EDC3: variants seen among roughly 807,000 people sequenced by gnomAD.
EDC3 encodes the protein enhancer of mRNA decapping 3.
A neutral mutation model predicts 41.8 loss-of-function variants in EDC3; 20 were observed. The ratio of observed to expected loss-of-function variants is 0.48; its 90% confidence interval spans 0.34 to 0.70. The LOEUF is 0.70. Ranked by LOEUF, EDC3 falls within the 30% of genes least tolerant of loss-of-function variation. The pLI is 0.01. For synonymous variants in EDC3, 206 were observed against 243.2 expected, an observed-to-expected ratio of 0.85 and a Z score of 1.42; for missense variants, 444 against 636.8, an observed-to-expected ratio of 0.70 and a Z score of 3.26.
intron 3 of EDC3, among the ~76,000 whole-genome samples, chr15:74,661,432 G>A (rs1165733301): frequency 1.3e-5 from 2 of 152,044 alleles, no homozygotes; most frequent in African/African-American, 2.4e-5. Context: ...TTTTATTGGC[G>A]CACAGTCATG....
At chr15:74,649,493 T>C (rs2062456245) in intron 4 of EDC3, among the ~76,000 whole-genome samples, 1 of 152,178 alleles carries the variant, frequency 6.6e-6, no homozygotes, top group Non-Finnish European at 1.5e-5. Context: ...GAACTATGAC[T>C]TACCCAGAGT....
chr15:74,646,022 TAC>T (rs993780449), intron 4 of EDC3, among the ~76,000 whole-genome samples: 5 of 150,920 alleles, frequency 3.3e-5, no homozygotes, highest in African/African-American at 1.2e-4. Context: ...CGAGTAGAAA[TAC>T]AGAGACCGTT....
chr15:74,673,319 G>A (rs2062761775), intron 2 of EDC3, among the ~76,000 whole-genome samples: 2 of 152,170 alleles, frequency 1.3e-5, no homozygotes, highest in South Asian at 4.1e-4. Flanking sequence ...AACTGAACAC[G>A]AGGATTAAAG....
At chr15:74,650,914 C>T (rs1439194509) in intron 4 of EDC3, among the ~76,000 whole-genome samples, 1 of 152,172 alleles carries the variant, frequency 6.6e-6, no homozygotes, top group Non-Finnish European at 1.5e-5. Flanking sequence ...AGGAGAATCA[C>T]TTGAACTCAG....
intron 2 of EDC3, among the ~76,000 whole-genome samples, chr15:74,672,146 G>A (rs2062746600): frequency 6.6e-6 from 1 of 151,182 alleles, no homozygotes; most frequent in Non-Finnish European, 1.5e-5. Flanking sequence ...GCGGGCACCT[G>A]TAGTCCCAGC....
Position 74,632,483 on chromosome 15 carries a change from G to T in EDC3, c.*129C>A. 1 of 1,123,588 alleles carries T rather than the reference G, an allele frequency of 8.9e-7. No individual in the cohort carries two copies. The highest frequency in any genetic ancestry group is 1.6e-5 in the South Asian group (1 of 64,474). The allele number at this position is 1,123,588 out of a possible 1,614,324, so 69.6% of individuals were successfully genotyped here. A position where few individuals can be genotyped will look rare whatever the true frequency, so the allele number is the denominator to read the frequency against. ...GACAGGTCAGTTTTAAGTAAGTTCT[G>T]TTCTCTCACAGAAGAAACAAACCCA... On this transcript the variant is annotated 3_prime_UTR_variant, in exon 7 of 7. Coordinates refer to ENST00000315127, the MANE Select transcript of EDC3 (RefSeq NM_025083.5). The surrounding 1 kb of genome is among the most constrained non-coding windows in gnomAD (Gnocchi z 4.0).
At chr15:74,645,441 T>C (rs2062401853) in intron 4 of EDC3, 1 of 152,134 alleles carries the variant, frequency 6.6e-6, no homozygotes, top group South Asian at 2.1e-4. Context: ...CTCGTATGTA[T>C]TTTACATAAA....
chr15:74,675,411 C>T (rs2062793101), intron 1 of EDC3, among the ~76,000 whole-genome samples: 1 of 151,594 alleles, frequency 6.6e-6, no homozygotes, highest in Non-Finnish European at 1.5e-5. Flanking sequence ...CATCAAATCA[C>T]ACAAACTATA....
intron 3 of EDC3, among the ~76,000 whole-genome samples, chr15:74,659,511 T>TATATATATATATATATAG (rs1346060455): frequency 2.7e-4 from 34 of 127,046 alleles, no homozygotes; most frequent in African/African-American, 1.0e-3. Flanking sequence ...TATATATATA[T>TATATATATATATATATAG]AGGCAAATAA....
At chr15:74,674,926 A>G in intron 2 of EDC3, 35 bp downstream of exon 2, 1 of 1,612,480 alleles carries the variant, frequency 6.2e-7, no homozygotes, top group East Asian at 2.2e-5. Flanking sequence ...ACAGACCACC[A>G]GGTTGGATTC....
At chr15:74,674,896 C>G in intron 2 of EDC3, 65 bp downstream of exon 2, 1 of 1,578,744 alleles carries the variant, frequency 6.3e-7, no homozygotes, top group Non-Finnish European at 8.7e-7. Context: ...TACTAGCAAT[C>G]AGACCTAGGT....
intron 1 of EDC3, among the ~76,000 whole-genome samples, chr15:74,678,744 G>A (rs1373029691): frequency 6.7e-6 from 1 of 149,682 alleles, no homozygotes; most frequent in African/African-American, 2.5e-5. Context: ...ACAAAAATTA[G>A]CCAGGCATGG....
Position 74,675,139 on chromosome 15 carries a change from A to G in EDC3, c.-15T>C. ...TCTGTAGCCATGTTTCACACGTGAG[A>G]CCACTGTGAAGAGAAGGAACTATTC... On this transcript the variant is annotated 5_prime_UTR_variant, in exon 2 of 7. Transcript: ENST00000315127. 4 of 1,611,922 alleles carry G rather than the reference A, an allele frequency of 2.5e-6. No individual in the cohort carries two copies. In the South Asian group the frequency reaches 4.4e-5, roughly 18 times the overall value.
chr15:74,665,698 A>T (rs1435500519), intron 3 of EDC3, among the ~76,000 whole-genome samples: 1 of 152,226 alleles, frequency 6.6e-6, no homozygotes, highest in Non-Finnish European at 1.5e-5. Flanking sequence ...GTGTTGGATT[A>T]GCTAACTATT....
At chr15:74,670,010 ATTTTTTTTTTTTTTT>A (rs757043746) in intron 3 of EDC3, among the ~76,000 whole-genome samples, 157 of 116,400 alleles carry the variant, frequency 1.3e-3, no homozygotes, top group African/African-American at 4.9e-3. Flanking sequence ...CGCCCAGCTA[ATTTTTTTTTTTTTTT>A]TTTTTTTTTT....
intron 1 of EDC3, among the ~76,000 whole-genome samples, chr15:74,685,501 A>G (rs2062926412): frequency 2.0e-5 from 3 of 152,248 alleles, no homozygotes; most frequent in Admixed American, 2.0e-4. Context: ...AAGAGTGCCT[A>G]GAGTGGAAGA....
intron 1 of EDC3, among the ~76,000 whole-genome samples, chr15:74,681,563 T>C (rs1370194802): frequency 6.6e-6 from 1 of 152,076 alleles, no homozygotes; most frequent in East Asian, 1.9e-4. Context: ...AACATGTAAA[T>C]CGATAAAATA....
chr15:74,692,106 A>G (rs2063014885), intron 1 of EDC3, among the ~76,000 whole-genome samples: 1 of 152,222 alleles, frequency 6.6e-6, no homozygotes, highest in Non-Finnish European at 1.5e-5. Context: ...GGCGTGAGCC[A>G]CCGCACCCGG....
At chr15:74,659,080 T>C (rs937609958) in intron 3 of EDC3, among the ~76,000 whole-genome samples, 1 of 152,164 alleles carries the variant, frequency 6.6e-6, no homozygotes, top group African/African-American at 2.4e-5. Flanking sequence ...TTCCAATAAT[T>C]TGATGAAGCA....
Sources: gnomAD v4.1 joint callset for allele counts (sites outside exome capture counted in the v4.1 genomes callset) on GRCh38, gnomAD v4.1.1 for gene constraint, Gnocchi (gnomAD v3.1) non-coding constraint, MANE v1.5 for transcripts, NCBI Gene and HGNC (gene_info 2026-07-23, HGNC 2026-07-21) for gene names.